The following KDM4B variants were observed in gnomAD, a reference collection of about 807,000 sequenced individuals.
The protein encoded by KDM4B is lysine-specific demethylase 4B.
In KDM4B, 32 loss-of-function variants were observed where a neutral mutation model predicts 125.2. The observed-to-expected ratio is 0.26, with a 90% CI of 0.19 to 0.34. The LOEUF is 0.34. KDM4B is among the 10% of genes least tolerant of loss of function. KDM4B has a pLI of 1.00. For synonymous variants in KDM4B, 721 were observed against 677.9 expected (o/e 1.06, Z -0.99); for missense variants, 1,190 against 1,577.7 (o/e 0.75, Z 4.16).
At chr19:4,972,905 C>T (rs956082713) in intron 1 of KDM4B, among the ~76,000 whole-genome samples, 3 of 152,172 alleles carry the variant, frequency 2.0e-5, no homozygotes, top group African/African-American at 4.8e-5. Context: ...AGGGGCAGCC[C>T]GGCATCTGTG....
At chr19:5,119,983 A>G (rs966586482) in intron 11 of KDM4B, 131 bp downstream of exon 11, 1 of 1,178,336 alleles carries the variant, frequency 8.5e-7, no homozygotes, top group Non-Finnish European at 1.2e-6. Context: ...CTTTCTTGCC[A>G]GGGTGGGGCA....
chr19:5,060,789 C>T (rs912154176), intron 6 of KDM4B, among the ~76,000 whole-genome samples: 3 of 152,224 alleles, frequency 2.0e-5, no homozygotes, highest in African/African-American at 7.2e-5. Context: ...GGCACCTGCC[C>T]TGCGCACCCT....
intron 9 of KDM4B, among the ~76,000 whole-genome samples, chr19:5,092,252 G>A (rs568162595): frequency 2.0e-5 from 3 of 152,168 alleles, no homozygotes; most frequent in Non-Finnish European, 4.4e-5. Flanking sequence ...GGCCGTCCTG[G>A]GCACTGCACG....
intron 1 of KDM4B, among the ~76,000 whole-genome samples, chr19:5,002,422 CCTTTCTCTCTA>C (rs1222243115): frequency 2.7e-3 from 351 of 128,646 alleles, no homozygotes; most frequent in Middle Eastern, 0.012. Flanking sequence ...CTTTCTCTCT[CCTTTCTCTCTA>C]CTTTCTCTCC....
At chr19:5,150,334 C>T (rs922849467) in intron 21 of KDM4B, 24 bp from the exon 22 acceptor site, 4 of 1,545,300 alleles carry the variant, frequency 2.6e-6, no homozygotes, top group African/African-American at 2.7e-5. Flanking sequence ...GTGCCAGGCC[C>T]CTGAGAGCCA....
At chr19:5,013,988 G>T (rs912734881) in intron 1 of KDM4B, among the ~76,000 whole-genome samples, 2 of 152,232 alleles carry the variant, frequency 1.3e-5, no homozygotes, top group African/African-American at 4.8e-5. Context: ...CCGTGGCCCG[G>T]CAGTCCAGGA....
intron 22 of KDM4B, 65 bp downstream of exon 22, chr19:5,150,515 G>A: frequency 1.7e-6 from 2 of 1,195,190 alleles, no homozygotes; most frequent in Non-Finnish European, 1.2e-6. Flanking sequence ...GACGAGGCAG[G>A]GCACAGACTG....
At chr19:5,134,260 G>A (rs989500190) in intron 14 of KDM4B, among the ~76,000 whole-genome samples, 199 bp downstream of exon 14, 3 of 152,180 alleles carry the variant, frequency 2.0e-5, no homozygotes, top group Admixed American at 6.5e-5. Context: ...GCTTACTAAC[G>A]TGCCCATGTG....
Position 5,037,349 on chromosome 19 carries a change from C to T in KDM4B, c.142-2487C>T, listed in dbSNP as rs556202332. 2.0e-5 allele frequency among the ~76,000 whole-genome samples: 3 copies of T among 152,346 alleles called. No individual in the cohort carries two copies. In the East Asian group the frequency reaches 5.8e-4, roughly 29 times the overall value. On this transcript the variant is annotated intron_variant, in intron 3 of 22. Transcript: ENST00000159111. ...AGTTCTCTGTAGTAACATCTCGTGT[C>T]TGGGACACAGGCCCTTTTGTTTCTG...
intron 10 of KDM4B, among the ~76,000 whole-genome samples, chr19:5,116,427 T>C (rs2039257665): frequency 6.6e-6 from 1 of 152,180 alleles, no homozygotes; most frequent in South Asian, 2.1e-4. Context: ...TAAGGATCTT[T>C]TTAGACACAC....
intron 1 of KDM4B, among the ~76,000 whole-genome samples, chr19:5,004,008 G>A (rs1386205779): frequency 2.6e-5 from 4 of 152,232 alleles, no homozygotes; most frequent in South Asian, 4.1e-4. Flanking sequence ...TCCCCTCTGC[G>A]CGTCCTGTTT....
At chr19:5,038,509 G>A (rs2036702258) in intron 3 of KDM4B, among the ~76,000 whole-genome samples, 1 of 152,224 alleles carries the variant, frequency 6.6e-6, no homozygotes, top group Non-Finnish European at 1.5e-5. Context: ...ATTAGTGAAG[G>A]CACCGGGTTC....
At chr19:5,138,134 C>A in intron 18 of KDM4B, 64 bp downstream of exon 18, 1 of 1,273,358 alleles carries the variant, frequency 7.9e-7, no homozygotes, top group Non-Finnish European at 1.1e-6. Context: ...ATGCTCGGCT[C>A]CCCACCTGCG....
chr19:4,979,591 C>T (rs1391666499), intron 1 of KDM4B, among the ~76,000 whole-genome samples: 4 of 152,242 alleles, frequency 2.6e-5, no homozygotes, highest in East Asian at 3.9e-4. Flanking sequence ...CAGCAGGCAG[C>T]CCCGTCCTCG....
Position 5,143,948 on chromosome 19 carries a change from C to T in KDM4B, c.2551-19C>T, listed in dbSNP as rs2039791201. The T allele has an allele frequency of 1.9e-6, 3 of 1,564,506 alleles. No homozygotes were observed. The highest frequency in any genetic ancestry group is 2.6e-6 in the Non-Finnish European group (3 of 1,146,290). ...GGGAAGCTCGAGCCCCATGCCCCTG[C>T]CTGTGTCCCCATCCCCAGAAATGCG... On this transcript the variant is annotated intron_variant, in intron 18 of 22. Coordinates refer to ENST00000159111, the MANE Select transcript of KDM4B (RefSeq NM_015015.3).
intron 11 of KDM4B, among the ~76,000 whole-genome samples, chr19:5,123,023 C>T (rs1344122235): frequency 6.6e-6 from 1 of 152,244 alleles, no homozygotes; most frequent in African/African-American, 2.4e-5. Context: ...GGAGAGACCC[C>T]CTGCTGGTGG....
intron 1 of KDM4B, among the ~76,000 whole-genome samples, chr19:4,986,536 C>T (rs559995899): frequency 2.6e-5 from 4 of 152,296 alleles, no homozygotes; most frequent in South Asian, 2.1e-4. Context: ...GAGGAGGGCT[C>T]GGGAGGCTGT....
chr19:5,089,526 A>G (rs2038619810), intron 9 of KDM4B, among the ~76,000 whole-genome samples: 1 of 152,112 alleles, frequency 6.6e-6, no homozygotes, highest in Non-Finnish European at 1.5e-5. Context: ...TAAGGGAAAA[A>G]ATAGGCTGTG....
At chr19:5,071,111 C>G (rs1568275003) in intron 7 of KDM4B, 52 bp downstream of exon 7, 1 of 1,572,112 alleles carries the variant, frequency 6.4e-7, no homozygotes, top group East Asian at 2.3e-5. Context: ...TGGGAGGGGC[C>G]TGTGGGTGGG....
Sources: allele counts gnomAD v4.1 joint callset (sites outside exome capture counted in the v4.1 genomes callset), GRCh38; gene constraint gnomAD v4.1.1; transcripts MANE v1.5; gene names NCBI Gene and HGNC (gene_info 2026-07-23, HGNC 2026-07-21).